Variants in C4BPA observed in about 807,000 individuals in gnomAD.
The protein encoded by C4BPA is complement component 4 binding protein alpha, also known as C4b-binding protein alpha chain.
C4BPA carries 31 observed loss-of-function variants against 63.7 expected under a neutral mutation model. That is an observed-to-expected ratio of 0.49 (90% confidence interval 0.37 to 0.66). The LOEUF (loss-of-function observed/expected upper bound fraction) is 0.66, where lower values mean the gene tolerates loss of function less well. Ranked by LOEUF, C4BPA falls within the 30% of genes least tolerant of loss-of-function variation. The pLI is 0.00. For missense variants in C4BPA, 572 were observed against 723.3 expected, an observed-to-expected ratio of 0.79 and a Z score of 2.40; for synonymous variants, 259 against 254.7, an observed-to-expected ratio of 1.02 and a Z score of -0.16.
At chr1:207,139,267 T>G (rs1030757710) in intron 9 of C4BPA, among the ~76,000 whole-genome samples, 3 of 152,234 alleles carry the variant, frequency 2.0e-5, no homozygotes, top group African/African-American at 7.2e-5. Flanking sequence ...ATGTGGTGTC[T>G]TTTTTTCAGT....
At chr1:207,118,529 C>T (rs192456090) in intron 4 of C4BPA, among the ~76,000 whole-genome samples, 60 of 152,232 alleles carry the variant, frequency 3.9e-4, no homozygotes, top group Non-Finnish European at 5.9e-5. Context: ...ATAAAACCAA[C>T]AGACCTCATG....
At chr1:207,131,803 C>A in intron 8 of C4BPA, 63 bp downstream of exon 8, 1 of 1,073,422 alleles carries the variant, frequency 9.3e-7, no homozygotes, top group Non-Finnish European at 1.4e-6. Context: ...GGATTCTCTA[C>A]CTTAAATGAA....
In C4BPA at chr1:207,126,693, C is replaced by T. The variant is rs778888528; in HGVS notation, c.707-20C>T. The stretch of plus-strand genomic sequence containing the variant: ...CATCTATCTTTTAAAATCCACTTGT[C>T]TTTTCTCATGATTCTTTAGAAATCA... On this transcript the variant is annotated intron_variant, in intron 6 of 11. Transcript: ENST00000367070. The T allele has an allele frequency of 1.9e-6, 3 of 1,591,994 alleles. No individual in the cohort carries two copies. The highest frequency in any genetic ancestry group is 2.6e-6 in the Non-Finnish European group (3 of 1,164,164).
At chr1:207,139,429 G>A (rs548125970) in intron 9 of C4BPA, among the ~76,000 whole-genome samples, 1 of 152,246 alleles carries the variant, frequency 6.6e-6, no homozygotes, top group East Asian at 1.9e-4. Flanking sequence ...GAGATATTGT[G>A]GTGGTGTTTT....
intron 4 of C4BPA, among the ~76,000 whole-genome samples, chr1:207,118,331 C>T (rs1409423532): frequency 6.6e-6 from 1 of 152,050 alleles, no homozygotes; most frequent in Non-Finnish European, 1.5e-5. Context: ...CATTCTCATG[C>T]TGCTATGAAG....
intron 3 of C4BPA, 34 bp from the exon 4 acceptor site, chr1:207,115,382 G>A: frequency 6.2e-6 from 7 of 1,122,650 alleles, no homozygotes; most frequent in Non-Finnish European, 9.3e-6. Flanking sequence ...TGAGTACTTG[G>A]AAGTACTAAT....
chr1:207,120,748 A>G (rs1684905024), intron 4 of C4BPA, among the ~76,000 whole-genome samples: 1 of 152,246 alleles, frequency 6.6e-6, no homozygotes, highest in South Asian at 2.1e-4. Context: ...ATATTTCAAC[A>G]GGCACTGGAA....
intron 4 of C4BPA, among the ~76,000 whole-genome samples, chr1:207,120,239 G>T (rs1417667116): frequency 6.6e-6 from 1 of 152,070 alleles, no homozygotes; most frequent in Non-Finnish European, 1.5e-5. Context: ...AGGGTTTTCA[G>T]GTAAAATACA....
chr1:207,112,270 T>C (rs759391471), intron 1 of C4BPA, among the ~76,000 whole-genome samples: 1 of 152,156 alleles, frequency 6.6e-6, no homozygotes, highest in African/African-American at 2.4e-5. Flanking sequence ...CCTTTGTCAA[T>C]AGTTCTCACA....
intron 4 of C4BPA, among the ~76,000 whole-genome samples, chr1:207,122,125 G>A (rs11120235): frequency 0.58 from 88,670 of 151,914 alleles, 27,200 homozygotes; most frequent in East Asian, 0.73. Flanking sequence ...CATGTACAAT[G>A]TTTGCTACCA....
chr1:207,113,844 G>C (rs1311636585), intron 2 of C4BPA, among the ~76,000 whole-genome samples: 2 of 152,058 alleles, frequency 1.3e-5, no homozygotes, highest in Admixed American at 6.6e-5. Context: ...ATATGTAGCA[G>C]AGAAGGGAAA....
chr1:207,113,220 T>C, intron 2 of C4BPA, 53 bp downstream of exon 2: 4 of 1,575,306 alleles, frequency 2.5e-6, no homozygotes, highest in Non-Finnish European at 3.4e-6. Flanking sequence ...AGATCATCTG[T>C]GCATTCACTT....
intron 4 of C4BPA, among the ~76,000 whole-genome samples, chr1:207,115,763 T>TC (rs1231837061): frequency 2.0e-5 from 3 of 152,158 alleles, no homozygotes; most frequent in Admixed American, 1.3e-4. Flanking sequence ...ATTCTTATTT[T>TC]CCCCCCTTTC....
chr1:207,142,743 T>A (rs947312587), intron 10 of C4BPA, among the ~76,000 whole-genome samples: 49 of 152,202 alleles, frequency 3.2e-4, no homozygotes, highest in African/African-American at 1.2e-3. Context: ...ATACTTAGAA[T>A]CTTGCAGCAA....
chr1:207,121,098 G>A (rs1016671072), intron 4 of C4BPA, among the ~76,000 whole-genome samples: 3 of 152,152 alleles, frequency 2.0e-5, no homozygotes, highest in African/African-American at 7.2e-5. Flanking sequence ...ATGAGCCACT[G>A]TTCTCAGTCA....
chr1:207,137,713 G>C (rs1430256796), intron 9 of C4BPA, among the ~76,000 whole-genome samples: 1 of 152,132 alleles, frequency 6.6e-6, no homozygotes, highest in East Asian at 1.9e-4. Context: ...CACCTCCTGG[G>C]TTCAAGAGAT....
intron 4 of C4BPA, among the ~76,000 whole-genome samples, chr1:207,118,587 A>C (rs1684862646): frequency 6.6e-6 from 1 of 152,212 alleles, no homozygotes; most frequent in Admixed American, 6.5e-5. Flanking sequence ...AACTGCCCCC[A>C]TGATTCAATT....
chr1:207,113,750 T>G (rs1293944038), intron 2 of C4BPA, among the ~76,000 whole-genome samples: 1 of 152,242 alleles, frequency 6.6e-6, no homozygotes, highest in African/African-American at 2.4e-5. Flanking sequence ...CTTCTGACTT[T>G]GCACAGATGC....
At chr1:207,140,386 C>T (rs1409333214) in intron 9 of C4BPA, among the ~76,000 whole-genome samples, 1 of 152,176 alleles carries the variant, frequency 6.6e-6, no homozygotes, top group South Asian at 2.1e-4. Flanking sequence ...GCATTTCAGT[C>T]TGACTTATTG....
Sources: allele counts gnomAD v4.1 joint callset (sites outside exome capture counted in the v4.1 genomes callset), GRCh38; gene constraint gnomAD v4.1.1; transcripts MANE v1.5; gene names NCBI Gene and HGNC (gene_info 2026-07-23, HGNC 2026-07-21).